Variants in SOHLH2 observed in about 807,000 individuals in gnomAD.
SOHLH2 encodes spermatogenesis and oogenesis specific basic helix-loop-helix 2, also known as spermatogenesis- and oogenesis-specific basic helix-loop-helix-containing protein 2.
A neutral mutation model predicts 50.4 loss-of-function variants in SOHLH2; 22 were observed. The observed-to-expected ratio is 0.44, with a 90% CI of 0.31 to 0.62. SOHLH2 has a LOEUF of 0.62. SOHLH2 is among the 20% of genes least tolerant of loss of function. SOHLH2 has a pLI of 0.08. For synonymous variants in SOHLH2, 185 were observed against 187.3 expected, an observed-to-expected ratio of 0.99 and a Z score of 0.10; for missense variants, 412 against 504.4, an observed-to-expected ratio of 0.82 and a Z score of 1.76.
At chr13:36,204,968 C>T (rs1033022684) in intron 1 of SOHLH2, among the ~76,000 whole-genome samples, 2 of 152,116 alleles carry the variant, frequency 1.3e-5, no homozygotes, top group African/African-American at 4.8e-5. Flanking sequence ...TTGCATGTGT[C>T]CTAGCATGTA....
Position 36,168,701 on chromosome 13 carries a change from A to G in SOHLH2, c.*333T>C, listed in dbSNP as rs539783140. The G allele has an allele frequency of 2.9e-6, 1 of 340,930 alleles. No homozygotes were observed. Among genetic ancestry groups the G allele is most frequent in the Non-Finnish European group, 5.3e-6 (1 of 189,410 alleles). 21.1% of individuals were successfully genotyped at this position (340,930 alleles called of 1,614,324 possible). A position where few individuals can be genotyped will look rare whatever the true frequency, so the allele number is the denominator to read the frequency against. On this transcript the variant is annotated 3_prime_UTR_variant, in exon 11 of 11. Coordinates refer to ENST00000379881, the MANE Select transcript of SOHLH2 (RefSeq NM_017826.3). ...TAATCATTTTATCGTGTCTACATGG[A>G]TCTTCCTTATAGCATGCTTTTTTCA...
intron 1 of SOHLH2, among the ~76,000 whole-genome samples, chr13:36,203,128 A>G (rs1323589176): frequency 1.3e-5 from 2 of 152,096 alleles, no homozygotes; most frequent in Non-Finnish European, 2.9e-5. Context: ...TCCTAATTCA[A>G]TCCCTTCTCT....
At chr13:36,199,133 G>T (rs1345672205) in intron 2 of SOHLH2, among the ~76,000 whole-genome samples, 1 of 152,116 alleles carries the variant, frequency 6.6e-6, no homozygotes, top group Non-Finnish European at 1.5e-5. Flanking sequence ...TACAAATGGG[G>T]CAGTACATGT....
At chr13:36,196,794 A>G (rs2138308511) in intron 2 of SOHLH2, among the ~76,000 whole-genome samples, 1 of 152,300 alleles carries the variant, frequency 6.6e-6, no homozygotes, top group East Asian at 1.9e-4. Context: ...CAAGCTTTAC[A>G]TCAGACAAAG....
intron 6 of SOHLH2, among the ~76,000 whole-genome samples, chr13:36,188,082 C>T (rs1272252241): frequency 1.3e-5 from 2 of 152,178 alleles, no homozygotes; most frequent in Non-Finnish European, 1.5e-5. Flanking sequence ...CTTCAGTTGA[C>T]AGCCCCCGCT....
At chr13:36,198,218 C>T (rs1054800494) in intron 2 of SOHLH2, among the ~76,000 whole-genome samples, 3 of 152,264 alleles carry the variant, frequency 2.0e-5, no homozygotes, top group African/African-American at 4.8e-5. Context: ...GCTCTGAGCT[C>T]ATGAGAATCA....
chr13:36,180,952 T>C (rs1801000050), intron 6 of SOHLH2, among the ~76,000 whole-genome samples: 1 of 152,186 alleles, frequency 6.6e-6, no homozygotes, highest in Non-Finnish European at 1.5e-5. Context: ...GTTGTATAAA[T>C]TGCTGAGAGA....
At chr13:36,182,351 G>C in intron 6 of SOHLH2, 1 of 925,648 alleles carries the variant, frequency 1.1e-6, no homozygotes, top group South Asian at 5.0e-5. Context: ...CTCCAACAAA[G>C]AGTCAGGGTC....
chr13:36,196,969 GAGTTTCT>G (rs1887749036), intron 2 of SOHLH2, among the ~76,000 whole-genome samples: 1 of 152,130 alleles, frequency 6.6e-6, no homozygotes, highest in Admixed American at 6.5e-5. Flanking sequence ...TAAGCTAAAA[GAGTTTCT>G]AGTTTCTAGG....
At chr13:36,185,309 A>T (rs1887385470) in intron 6 of SOHLH2, among the ~76,000 whole-genome samples, 1 of 152,122 alleles carries the variant, frequency 6.6e-6, no homozygotes, top group Non-Finnish European at 1.5e-5. Flanking sequence ...TCTACTAAAA[A>T]TACAAAAATT....
At position 36,184,459 on chromosome 13, in the gene SOHLH2, C is replaced by CTTTTTTTTTTTTT. The variant is rs764218457; in HGVS notation, c.641+5486_641+5487insAAAAAAAAAAAAA. The stretch of plus-strand genomic sequence containing the variant: ...TGATGGAAGTTTCTACCTACAAAGA[C>CTTTTTTTTTTTTT]CTTTTTTTTTTTTTTTTTTTGAGAC... On this transcript the variant is annotated intron_variant, in intron 6 of 10. Transcript: ENST00000379881. Among the ~76,000 whole-genome samples, 45 of 81,666 alleles carry CTTTTTTTTTTTTT rather than the reference C, an allele frequency of 5.5e-4. 3 individuals carry two copies. Among genetic ancestry groups the CTTTTTTTTTTTTT allele is most frequent in the African/African-American group, 1.9e-3 (39 of 20,412 alleles). The allele number at this position is 81,666 out of a possible 152,430, so 53.6% of individuals were successfully genotyped here.
chr13:36,193,464 C>T (rs532137791), intron 4 of SOHLH2, among the ~76,000 whole-genome samples, 157 bp downstream of exon 4: 1 of 152,370 alleles, frequency 6.6e-6, no homozygotes, highest in Admixed American at 6.5e-5. Context: ...TTGGGCAACA[C>T]ATTCTAAACC....
intron 4 of SOHLH2, among the ~76,000 whole-genome samples, 171 bp downstream of exon 4, chr13:36,193,450 G>A (rs1430229546): frequency 6.6e-6 from 1 of 152,220 alleles, no homozygotes; most frequent in Non-Finnish European, 1.5e-5. Context: ...CACTGTATTT[G>A]CCCTTGGGCA....
intron 6 of SOHLH2, among the ~76,000 whole-genome samples, chr13:36,176,599 A>G (rs1214562608): frequency 6.6e-6 from 1 of 151,172 alleles, no homozygotes; most frequent in Non-Finnish European, 1.5e-5. Context: ...ATGTTTTATA[A>G]TATATATATA....
At chr13:36,213,780 G>A (rs912574400) in intron 1 of SOHLH2, among the ~76,000 whole-genome samples, 1 of 152,126 alleles carries the variant, frequency 6.6e-6, no homozygotes, top group Non-Finnish European at 1.5e-5. Flanking sequence ...TGCCTGTTTG[G>A]GGGGAAGCTC....
Position 36,174,467 on chromosome 13 carries a change from T to G in SOHLH2, c.881+9A>C, listed in dbSNP as rs770289794. 6.2e-7 allele frequency: 1 copy of G among 1,612,470 alleles called. No individual in the cohort carries two copies. The highest frequency in any genetic ancestry group is 1.1e-5 in the South Asian group (1 of 90,432). On this transcript the variant is annotated intron_variant, in intron 8 of 10. Transcript: ENST00000379881. ...GCAGACTTCAGATTCGCAAAAGCCC[T>G]TATCATACCGCTGTGCCATGACAGT...
chr13:36,202,003 T>A lies in SOHLH2; in HGVS notation c.139A>T (p.Thr47Ser). The A allele has an allele frequency of 6.2e-7, 1 of 1,614,208 alleles. No individual in the cohort carries two copies. The highest frequency in any genetic ancestry group is 1.7e-5 in the Admixed American group (1 of 60,026). Residue 47 changes from threonine to serine, a missense_variant, in exon 2 of 11, where the codon ACC becomes TCC. Coordinates refer to ENST00000379881, the MANE Select transcript of SOHLH2 (RefSeq NM_017826.3). ...TCCTTCGTGTCACTGATGGTGATGG[T>A]GACTTCTGCTATGTTTGCAAATAGT... ...QKLFANIAEVTITISDTKEAA... is the reference protein window; with the variant it reads ...QKLFANIAEVSITISDTKEAA...
chr13:36,190,200 T>A, intron 5 of SOHLH2, 144 bp from the exon 6 acceptor site: 1 of 550,378 alleles, frequency 1.8e-6, no homozygotes. Flanking sequence ...CAAAACACCA[T>A]ATCTTAGACA....
chr13:36,213,882 G>A (rs899740921), intron 1 of SOHLH2, among the ~76,000 whole-genome samples: 12 of 152,028 alleles, frequency 7.9e-5, no homozygotes, highest in East Asian at 1.9e-4. Context: ...AAAATAACGC[G>A]CCTAAATAAA....
Sources: gnomAD v4.1 joint callset for allele counts (sites outside exome capture counted in the v4.1 genomes callset) on GRCh38, gnomAD v4.1.1 for gene constraint, MANE v1.5 for transcripts, NCBI Gene and HGNC (gene_info 2026-07-23, HGNC 2026-07-21) for gene names.